Variants in SLC30A7 observed in about 807,000 individuals in gnomAD.
SLC30A7 encodes zinc transporter 7.
SLC30A7 carries 35 observed loss-of-function variants against 46.0 expected under a neutral mutation model. The observed-to-expected ratio is 0.76, with a 90% CI of 0.58 to 1.01. The LOEUF (loss-of-function observed/expected upper bound fraction) is 1.01. SLC30A7 is among the 50% of genes least tolerant of loss of function. SLC30A7 has a pLI of 0.00. For missense variants in SLC30A7, 464 were observed against 451.1 expected (o/e 1.03, Z -0.26); for synonymous variants, 147 against 157.8 (o/e 0.93, Z 0.51).
rs555341271 is a variant in SLC30A7 at position 100,932,535 on chromosome 1, C to T, written c.842+10694C>T. Among the ~76,000 whole-genome samples the T allele has an allele frequency of 9.9e-5, 15 of 152,074 alleles. 1 individual carries two copies. Among genetic ancestry groups the T allele is most frequent in the African/African-American group, 2.4e-4 (10 of 41,470 alleles). ...GTGGTATAATATAACTAGATATATA[C>T]GTTAGTAATTTAAAATCTAATGATG... On this transcript the variant is annotated intron_variant, in intron 8 of 10. Coordinates refer to ENST00000357650, the MANE Select transcript of SLC30A7 (RefSeq NM_133496.5).
At chr1:100,908,436 G>A (rs965917539) in intron 3 of SLC30A7, among the ~76,000 whole-genome samples, 7 of 152,118 alleles carry the variant, frequency 4.6e-5, no homozygotes, top group African/African-American at 1.7e-4. Context: ...TACAATAATA[G>A]CTATATATTG....
rs778651914 is a variant in SLC30A7 at position 100,961,846 on chromosome 1, A to G, written c.861A>G (p.Arg287=). 2.5e-6 allele frequency: 4 copies of G among 1,601,304 alleles called. No individual in the cohort carries two copies. The highest frequency in any genetic ancestry group is 3.4e-6 in the Non-Finnish European group (4 of 1,171,364). Residue 287 remains arginine, a synonymous_variant, in exon 9 of 11, where the codon AGA becomes AGG. Transcript: ENST00000357650. ...TCCTTAGTGTTATTCCTCTTTTAAG[A>G]GAATCTGTTGGAATATTAATGCAGA... ...LIVVSVIPLL[R]ESVGILMQRT... is the part of the protein sequence containing the mutation.
At chr1:100,969,351 C>G (rs555178858) in intron 10 of SLC30A7, among the ~76,000 whole-genome samples, 6 of 152,228 alleles carry the variant, frequency 3.9e-5, no homozygotes, top group African/African-American at 1.4e-4. Context: ...CTTGAATTTT[C>G]TCCTAGATAT....
intron 8 of SLC30A7, among the ~76,000 whole-genome samples, chr1:100,924,605 A>G (rs1178077192): frequency 1.3e-5 from 2 of 151,994 alleles, no homozygotes; most frequent in South Asian, 2.1e-4. Context: ...TATTGCCCTC[A>G]AGCTCCATTA....
In SLC30A7 at chr1:100,965,829, G is replaced by T. The variant is rs1655827264; in HGVS notation, c.994G>T (p.Asp332Tyr). The T allele has an allele frequency of 6.2e-7, 1 of 1,613,866 alleles. No homozygotes were observed. Among genetic ancestry groups the T allele is most frequent in the Non-Finnish European group, 8.5e-7 (1 of 1,179,788 alleles). The change falls in exon 10 of 11, where the codon GAC becomes TAC. Residue 332 changes from aspartate (D) to tyrosine (Y), a missense_variant. Physicochemically the swap from Asp to Tyr is radical, Grantham distance 160. Transcript: ENST00000357650. Reference protein sequence around the residue: ...QEQHFWTLCSDVYVGTLKLIV... With the variant: ...QEQHFWTLCSYVYVGTLKLIV... ...ACAGCACTTCTGGACTTTATGTTCT[G>T]ACGTTTATGTTGGGACCTTGAAATT... is the stretch of plus-strand genomic sequence containing the variant.
chr1:100,912,322 A>G, intron 5 of SLC30A7, 84 bp downstream of exon 5: 3 of 1,449,406 alleles, frequency 2.1e-6, no homozygotes, highest in East Asian at 2.3e-5. Context: ...AAGTTAAACT[A>G]TACTGATTTC....
chr1:100,924,581 C>T (rs1653161924), intron 8 of SLC30A7, among the ~76,000 whole-genome samples: 1 of 151,242 alleles, frequency 6.6e-6, no homozygotes, highest in Non-Finnish European at 1.5e-5. Flanking sequence ...ATTTACTTAC[C>T]ATAGCCTATT....
At chr1:100,994,418 C>A in the SLC30A7 span, among the ~76,000 whole-genome samples, 1 of 152,160 alleles carries the variant, frequency 6.6e-6, no homozygotes, top group East Asian at 1.9e-4. Flanking sequence ...TTAGACACTG[C>A]CTCTCTAAGT....
At chr1:100,964,493 C>T (rs1327531953) in intron 9 of SLC30A7, among the ~76,000 whole-genome samples, 1 of 151,528 alleles carries the variant, frequency 6.6e-6, no homozygotes, top group Admixed American at 6.6e-5. Context: ...AAAATTGAGG[C>T]TCACCTTAGG....
In SLC30A7 at chr1:100,974,911, C is replaced by T. The variant is rs538403564; in HGVS notation, c.*54C>T. 1.1e-4 allele frequency: 148 copies of T among 1,405,222 alleles called. No individual in the cohort carries two copies. The highest frequency in any genetic ancestry group is 3.7e-4 in the Middle Eastern group (2 of 5,478). The allele number at this position is 1,405,222 out of a possible 1,614,324, so 87.0% of individuals were successfully genotyped here. A position where few individuals can be genotyped will look rare whatever the true frequency, so the allele number is the denominator to read the frequency against. ...TGGACCAAATTTTTCTGGTACTGTA[C>T]GATCCAAAACATTGTACCCAGCTTT... On this transcript the variant is annotated 3_prime_UTR_variant, in exon 11 of 11. Transcript: ENST00000357650.
At chr1:100,899,364 T>C (rs1481611255) in intron 2 of SLC30A7, among the ~76,000 whole-genome samples, 3 of 152,218 alleles carry the variant, frequency 2.0e-5, no homozygotes, top group Non-Finnish European at 2.9e-5. Context: ...TAAATTCCAT[T>C]CTCTCACTCT....
At chr1:100,931,449 A>G (rs1653659245) in intron 8 of SLC30A7, among the ~76,000 whole-genome samples, 1 of 152,172 alleles carries the variant, frequency 6.6e-6, no homozygotes, top group Non-Finnish European at 1.5e-5. Context: ...AGATAAGGTT[A>G]TCTCCTGGCC....
At chr1:100,966,413 C>G (rs1344368974) in intron 10 of SLC30A7, among the ~76,000 whole-genome samples, 1 of 151,782 alleles carries the variant, frequency 6.6e-6, no homozygotes, top group East Asian at 1.9e-4. Flanking sequence ...GAGACCCCGT[C>G]TCTCTACTAA....
chr1:100,921,037 T>C (rs1175741017), intron 7 of SLC30A7, among the ~76,000 whole-genome samples: 1 of 152,070 alleles, frequency 6.6e-6, no homozygotes, highest in Non-Finnish European at 1.5e-5. Flanking sequence ...TTATTATGTC[T>C]AAGTTTTTAG....
chr1:100,977,833 AACCTCC>A lies in SLC30A7; in HGVS notation c.*2983_*2988del, dbSNP rs1448990431. ...TAGTGGCGCAGTCTCAGCTCACTGC[AACCTCC>A]ACCTCCCGGGTTCAAGTGATTCTCC... On this transcript the variant is annotated 3_prime_UTR_variant, in exon 11 of 11. Transcript: ENST00000357650. The A allele has an allele frequency of 3.3e-5, 5 of 152,200 alleles. No individual in the cohort carries two copies. The highest frequency in any genetic ancestry group is 1.2e-4 in the African/African-American group (5 of 41,444). 9.4% of individuals were successfully genotyped at this position (152,200 alleles called of 1,614,324 possible).
the SLC30A7 span, among the ~76,000 whole-genome samples, chr1:100,993,495 C>T: frequency 2.1e-5 from 3 of 143,192 alleles, no homozygotes; most frequent in African/African-American, 5.2e-5. Context: ...GAGGTTGCAG[C>T]GAGCTGAGAT....
intron 2 of SLC30A7, 21 bp from the exon 3 acceptor site, chr1:100,906,831 A>G (rs1265282457): frequency 6.6e-7 from 1 of 1,506,780 alleles, no homozygotes; most frequent in African/African-American, 1.4e-5. Context: ...ATAATTTGTC[A>G]ATGTGTTTGT....
At chr1:100,965,484 C>T (rs1160710938) in intron 9 of SLC30A7, among the ~76,000 whole-genome samples, 1 of 152,126 alleles carries the variant, frequency 6.6e-6, no homozygotes, top group Non-Finnish European at 1.5e-5. Flanking sequence ...AAGTGTTGGA[C>T]TTTATAAAGT....
At chr1:100,939,589 C>G (rs896444880) in intron 8 of SLC30A7, among the ~76,000 whole-genome samples, 1 of 151,694 alleles carries the variant, frequency 6.6e-6, no homozygotes, top group African/African-American at 2.4e-5. Flanking sequence ...GTAATCCCAG[C>G]ACTTTGGGAG....
Sources: allele counts gnomAD v4.1 joint callset (sites outside exome capture counted in the v4.1 genomes callset), GRCh38; gene constraint gnomAD v4.1.1; transcripts MANE v1.5; gene names NCBI Gene and HGNC (gene_info 2026-07-23, HGNC 2026-07-21).